Variants in GALNT13 observed in about 807,000 individuals in gnomAD.
The protein encoded by GALNT13 is UDP-GalNAc:polypeptide N-acetylgalactosaminyltransferase 13.
A neutral mutation model predicts 64.2 loss-of-function variants in GALNT13; 28 were observed. That is an observed-to-expected ratio of 0.44 (90% CI 0.32 to 0.60). The LOEUF (loss-of-function observed/expected upper bound fraction) is 0.60. Ranked by LOEUF, GALNT13 falls within the 20% of genes least tolerant of loss-of-function variation. The pLI, the probability that GALNT13 is intolerant of heterozygous loss-of-function variation, is 0.05. For synonymous variants in GALNT13, 214 were observed against 224.6 expected (o/e 0.95, Z 0.42); for missense variants, 577 against 669.8 (o/e 0.86, Z 1.53).
the GALNT13 span, among the ~76,000 whole-genome samples, chr2:153,193,154 A>G: frequency 0.17 from 25,592 of 151,642 alleles, 2,312 homozygotes; most frequent in African/African-American, 0.2. Context: ...GCACACGTAT[A>G]TTTATTGCGG....
intron 1 of GALNT13, among the ~76,000 whole-genome samples, chr2:153,879,615 C>T (rs1358850120): frequency 6.6e-6 from 1 of 151,822 alleles, no homozygotes; most frequent in African/African-American, 2.4e-5. Flanking sequence ...TCAAGTAGTC[C>T]TCCCGCCTCA....
At chr2:154,014,371 C>T (rs1431837427) in intron 3 of GALNT13, among the ~76,000 whole-genome samples, 1 of 152,002 alleles carries the variant, frequency 6.6e-6, no homozygotes, top group Non-Finnish European at 1.5e-5. Flanking sequence ...TAAACTCACC[C>T]CTTCCCCAGT....
At chr2:154,050,793 C>T (rs1343173975) in intron 3 of GALNT13, among the ~76,000 whole-genome samples, 1 of 152,108 alleles carries the variant, frequency 6.6e-6, no homozygotes, top group African/African-American at 2.4e-5. Context: ...TCTACACACT[C>T]ACCATCTTCA....
At chr2:153,072,976 C>T in the GALNT13 span, among the ~76,000 whole-genome samples, 4 of 152,160 alleles carry the variant, frequency 2.6e-5, no homozygotes, top group Non-Finnish European at 5.9e-5. Flanking sequence ...GAACAAGATT[C>T]CTGGATTAAG....
the GALNT13 span, among the ~76,000 whole-genome samples, chr2:153,512,652 C>T: frequency 0.081 from 12,385 of 152,114 alleles, 544 homozygotes; most frequent in East Asian, 0.21. Context: ...TGAGTTAATA[C>T]GTGTTAAAAC....
the GALNT13 span, among the ~76,000 whole-genome samples, chr2:153,262,029 C>T: frequency 6.6e-6 from 1 of 152,164 alleles, no homozygotes; most frequent in Non-Finnish European, 1.5e-5. Context: ...TTGGAAACCC[C>T]AGGAGCTTGC....
At chr2:153,149,456 T>G in the GALNT13 span, among the ~76,000 whole-genome samples, 1 of 151,878 alleles carries the variant, frequency 6.6e-6, no homozygotes, top group Non-Finnish European at 1.5e-5. Context: ...AAGTCACTTG[T>G]GTGATTTCCT....
the GALNT13 span, among the ~76,000 whole-genome samples, chr2:153,565,583 G>C: frequency 6.6e-6 from 1 of 152,006 alleles, no homozygotes; most frequent in East Asian, 1.9e-4. Context: ...ATGACTATAG[G>C]CAAGACAATG....
chr2:153,734,123 A>C, the GALNT13 span, among the ~76,000 whole-genome samples: 1 of 152,172 alleles, frequency 6.6e-6, no homozygotes, highest in Admixed American at 6.6e-5. Flanking sequence ...AACTCAATTA[A>C]GTTTTCTGGC....
the GALNT13 span, among the ~76,000 whole-genome samples, chr2:153,814,128 A>G: frequency 2.6e-5 from 4 of 152,160 alleles, no homozygotes; most frequent in Admixed American, 2.6e-4. Flanking sequence ...ATCACCGATC[A>G]CTTCTTTCAT....
intron 4 of GALNT13, among the ~76,000 whole-genome samples, chr2:154,166,805 G>T (rs1016957344): frequency 1.1e-4 from 17 of 152,278 alleles, no homozygotes; most frequent in African/African-American, 2.4e-4. Flanking sequence ...CCATAAAAAA[G>T]GATGAGTTCA....
chr2:153,759,343 A>G, the GALNT13 span, among the ~76,000 whole-genome samples: 1 of 152,168 alleles, frequency 6.6e-6, no homozygotes, highest in East Asian at 1.9e-4. Context: ...TTTCAGCACT[A>G]TAGTGAAGAG....
At chr2:154,323,019 C>G (rs1694705791) in intron 9 of GALNT13, among the ~76,000 whole-genome samples, 1 of 151,610 alleles carries the variant, frequency 6.6e-6, no homozygotes, top group Admixed American at 6.6e-5. Context: ...CCTGGCTTCC[C>G]CTAGAGCAAA....
At chr2:153,760,334 CT>C in the GALNT13 span, among the ~76,000 whole-genome samples, 3 of 151,286 alleles carry the variant, frequency 2.0e-5, no homozygotes, top group Non-Finnish European at 4.4e-5. Flanking sequence ...TTAATTTTTT[CT>C]TCTTTTTTCT....
the GALNT13 span, among the ~76,000 whole-genome samples, chr2:153,605,107 A>C: frequency 6.6e-6 from 1 of 152,046 alleles, no homozygotes; most frequent in East Asian, 1.9e-4. Context: ...GGTTGTTTTA[A>C]AGGAAAGCAC....
intron 4 of GALNT13, among the ~76,000 whole-genome samples, chr2:154,162,713 C>T (rs1402059821): frequency 1.3e-5 from 2 of 152,148 alleles, no homozygotes; most frequent in Non-Finnish European, 2.9e-5. Context: ...TTTTTATTCT[C>T]ACTGTGCTTA....
the GALNT13 span, among the ~76,000 whole-genome samples, chr2:153,127,839 C>T: frequency 6.6e-6 from 1 of 152,142 alleles, no homozygotes; most frequent in Non-Finnish European, 1.5e-5. Context: ...ATATTTCCAC[C>T]TAATCAAACA....
chr2:153,290,993 C>T, the GALNT13 span, among the ~76,000 whole-genome samples: 1 of 152,112 alleles, frequency 6.6e-6, no homozygotes, highest in East Asian at 1.9e-4. Context: ...TTACATTTTC[C>T]TTGTCTTTGT....
At chr2:154,314,109 T>A (rs574902744) in intron 9 of GALNT13, among the ~76,000 whole-genome samples, 1 of 152,182 alleles carries the variant, frequency 6.6e-6, no homozygotes, top group African/African-American at 2.4e-5. Flanking sequence ...GAGTACTACG[T>A]CTGAATTAAA....
Sources: allele counts gnomAD v4.1 joint callset (sites outside exome capture counted in the v4.1 genomes callset), GRCh38; gene constraint gnomAD v4.1.1; transcripts MANE v1.5; gene names NCBI Gene and HGNC (gene_info 2026-07-23, HGNC 2026-07-21).